The following RBFOX1 variants were observed in gnomAD, a reference collection of about 807,000 sequenced individuals.
RBFOX1 encodes RNA binding protein fox-1 homolog 1.
In RBFOX1, 8 loss-of-function variants were observed where a neutral mutation model predicts 57.7. The observed-to-expected ratio is 0.14, with a 90% CI of 0.08 to 0.25. The LOEUF (loss-of-function observed/expected upper bound fraction) is 0.25. Ranked by LOEUF, RBFOX1 falls within the 10% of genes least tolerant of loss-of-function variation. RBFOX1 has a pLI of 1.00. For missense variants in RBFOX1, 611 were observed against 548.5 expected (o/e 1.11, Z -1.14); for synonymous variants, 326 against 222.4 (o/e 1.47, Z -4.15).
At chr16:5,501,969 C>T (rs1463183485) in intron 2 of RBFOX1, among the ~76,000 whole-genome samples, 1 of 152,030 alleles carries the variant, frequency 6.6e-6, no homozygotes, top group East Asian at 1.9e-4. Context: ...GTGATCCTCC[C>T]ACCTTGGCCT....
intron 11 of RBFOX1, among the ~76,000 whole-genome samples, chr16:7,630,978 T>C (rs936455366): frequency 6.6e-6 from 1 of 152,192 alleles, no homozygotes; most frequent in African/African-American, 2.4e-5. Flanking sequence ...CCTTCTATCA[T>C]AGCTTTGCAA....
intron 2 of RBFOX1, among the ~76,000 whole-genome samples, chr16:6,318,041 C>A (rs374003431): frequency 2.6e-5 from 4 of 152,218 alleles, no homozygotes; most frequent in South Asian, 4.2e-4. Flanking sequence ...AGAGGCTGAT[C>A]AAAGGGAATT....
At chr16:5,441,364 T>TG (rs1491264522) in intron 1 of RBFOX1, among the ~76,000 whole-genome samples, 160 of 16,000 alleles carry the variant, frequency 0.01, no homozygotes, top group Middle Eastern at 0.077. Flanking sequence ...GGAAAGAGGG[T>TG]TTTTTTTTTT....
At chr16:7,405,201 G>T (rs1040148053) in intron 4 of RBFOX1, among the ~76,000 whole-genome samples, 1 of 152,170 alleles carries the variant, frequency 6.6e-6, no homozygotes, top group Non-Finnish European at 1.5e-5. Context: ...CGATACAGCA[G>T]TGTTTGTTTT....
At chr16:5,507,229 C>T (rs142379909) in intron 2 of RBFOX1, among the ~76,000 whole-genome samples, 366 of 152,252 alleles carry the variant, frequency 2.4e-3, no homozygotes, top group African/African-American at 8.0e-3. Context: ...CTGCGGCCAC[C>T]ATGACTGTCA....
At chr16:6,458,797 G>T (rs2094838883) in intron 2 of RBFOX1, among the ~76,000 whole-genome samples, 1 of 152,182 alleles carries the variant, frequency 6.6e-6, no homozygotes, top group Non-Finnish European at 1.5e-5. Context: ...AATGCATGTG[G>T]ATTTCTAGGA....
chr16:6,787,316 C>T (rs781229923), intron 3 of RBFOX1, among the ~76,000 whole-genome samples: 8 of 152,094 alleles, frequency 5.3e-5, no homozygotes, highest in South Asian at 2.1e-4. Flanking sequence ...CTGCCATGTT[C>T]GTGTATTCAT....
At chr16:7,041,876 A>T (rs1364378225) in intron 3 of RBFOX1, among the ~76,000 whole-genome samples, 2 of 152,158 alleles carry the variant, frequency 1.3e-5, no homozygotes, top group Admixed American at 1.3e-4. Flanking sequence ...CTTATAGATT[A>T]TGCTCACAAT....
chr16:5,379,121 A>G (rs562403394), intron 1 of RBFOX1, among the ~76,000 whole-genome samples: 1 of 151,744 alleles, frequency 6.6e-6, no homozygotes, highest in East Asian at 1.9e-4. Flanking sequence ...TCAACAGCGT[A>G]AGAGACGGAC....
At chr16:6,585,830 G>A (rs1004763764) in intron 2 of RBFOX1, among the ~76,000 whole-genome samples, 24 of 152,118 alleles carry the variant, frequency 1.6e-4, no homozygotes, top group African/African-American at 5.3e-4. Flanking sequence ...AGGGGTCTGT[G>A]CATTAAAATG....
At chr16:7,368,266 A>G (rs771687038) in intron 4 of RBFOX1, among the ~76,000 whole-genome samples, 3 of 136,514 alleles carry the variant, frequency 2.2e-5, no homozygotes, top group Admixed American at 7.1e-5. Flanking sequence ...GACTGTCTCG[A>G]AAAAAAAAAA....
intron 4 of RBFOX1, among the ~76,000 whole-genome samples, chr16:7,345,944 A>T (rs1289741843): frequency 6.6e-6 from 1 of 152,122 alleles, no homozygotes; most frequent in Admixed American, 6.5e-5. Context: ...CGTCATTTAC[A>T]TTAGGTATAT....
chr16:5,240,625 G>C (rs1400472289), intron 1 of RBFOX1, among the ~76,000 whole-genome samples: 3 of 152,194 alleles, frequency 2.0e-5, no homozygotes, highest in East Asian at 3.9e-4. Flanking sequence ...GTTGGGCAGC[G>C]AGAGTTGAGA....
intron 2 of RBFOX1, among the ~76,000 whole-genome samples, chr16:6,477,994 A>C (rs2095300586): frequency 6.6e-6 from 1 of 151,978 alleles, no homozygotes. Context: ...GCCTCCATAG[A>C]ATTCAAGAGG....
intron 2 of RBFOX1, among the ~76,000 whole-genome samples, chr16:6,648,694 T>C (rs1252535067): frequency 2.0e-5 from 3 of 152,096 alleles, no homozygotes; most frequent in Non-Finnish European, 4.4e-5. Flanking sequence ...TATTTTTCAC[T>C]TCAGGAGAGA....
At chr16:7,385,919 C>CTTTTTTATTTGT (rs57254482) in intron 4 of RBFOX1, among the ~76,000 whole-genome samples, 1 of 135,148 alleles carries the variant, frequency 7.4e-6, no homozygotes, top group African/African-American at 2.7e-5. Context: ...TGCCCAGTTA[C>CTTTTTTATTTGT]TTATTTATTT....
intron 1 of RBFOX1, among the ~76,000 whole-genome samples, chr16:6,115,606 A>G (rs919435162): frequency 6.6e-6 from 1 of 152,160 alleles, no homozygotes; most frequent in Admixed American, 6.5e-5. Context: ...GATAAATTCC[A>G]AGTATAGCAT....
chr16:6,543,963 A>G (rs1377591751), intron 2 of RBFOX1, among the ~76,000 whole-genome samples: 1 of 152,192 alleles, frequency 6.6e-6, no homozygotes, highest in African/African-American at 2.4e-5. Flanking sequence ...TAAATCTAAG[A>G]AAGGTATAAA....
intron 1 of RBFOX1, among the ~76,000 whole-genome samples, chr16:6,201,332 G>A (rs765048048): frequency 3.3e-5 from 5 of 152,150 alleles, no homozygotes; most frequent in Non-Finnish European, 7.4e-5. Context: ...CAGAAGGATT[G>A]CTGGATCATA....
Sources: allele counts gnomAD v4.1 joint callset (sites outside exome capture counted in the v4.1 genomes callset), GRCh38; gene constraint gnomAD v4.1.1; transcripts MANE v1.5; gene names NCBI Gene and HGNC (gene_info 2026-07-23, HGNC 2026-07-21).